The following REXO5 variants were observed in gnomAD, a reference collection of about 807,000 sequenced individuals.
REXO5 encodes the protein exonuclease NEF-sp.
In REXO5, 48 loss-of-function variants were observed where a neutral mutation model predicts 88.5. The observed-to-expected ratio is 0.54, with a 90% CI of 0.43 to 0.69. The LOEUF is 0.69. REXO5 is among the 30% of genes least tolerant of loss of function. The pLI, the probability that REXO5 is intolerant of heterozygous loss-of-function variation, is 0.00. For missense variants in REXO5, 749 were observed against 912.2 expected (o/e 0.82, Z 2.30); for synonymous variants, 311 against 336.5 (o/e 0.92, Z 0.83).
intron 19 of REXO5, among the ~76,000 whole-genome samples, chr16:20,848,212 G>A (rs2081640050): frequency 2.0e-5 from 3 of 152,062 alleles, no homozygotes; most frequent in South Asian, 2.1e-4. Flanking sequence ...AGTTGTGTCC[G>A]TGATGGCAGC....
In REXO5 at chr16:20,844,713, A is replaced by C. The variant is rs2081580592; in HGVS notation, c.1804A>C (p.Ile602Leu). ...AGGAGATTCTGAAAACCAAGGCTCT[A>C]TATATCTGTCTGGAGTGAGTGAAAC... Reference protein sequence around the residue: ...LEGDSENQGSIYLSGVSETFK... With the variant: ...LEGDSENQGSLYLSGVSETFK... The change falls in exon 17 of 20, where the codon ATA (isoleucine) becomes CTA (leucine). Residue 602 changes from isoleucine to leucine, a missense_variant. Ile to Leu is a conservative substitution (Grantham distance 5, BLOSUM62 2). Coordinates refer to ENST00000261377, the MANE Select transcript of REXO5 (RefSeq NM_030941.3). 6.2e-7 allele frequency: 1 copy of C among 1,614,104 alleles called. No homozygotes were observed. Among genetic ancestry groups the C allele is most frequent in the African/African-American group, 1.3e-5 (1 of 74,940 alleles).
intron 11 of REXO5, 129 bp from the exon 12 acceptor site, chr16:20,832,027 C>A: frequency 1.6e-6 from 1 of 634,154 alleles, no homozygotes. Flanking sequence ...AAGCCACTGC[C>A]TAAGAGAACA....
chr16:20,816,243 C>T, intron 5 of REXO5, 31 bp downstream of exon 5: 11 of 1,529,388 alleles, frequency 7.2e-6, no homozygotes, highest in Non-Finnish European at 9.0e-6. Context: ...TGATGCTTTG[C>T]TCACTCTAAA....
Position 20,816,103 on chromosome 16 carries a change from A to C in REXO5, c.379-13A>C, listed in dbSNP as rs201338479. 73 of 1,611,236 alleles carry C rather than the reference A, an allele frequency of 4.5e-5. No homozygotes were observed. Among genetic ancestry groups the C allele is most frequent in the Admixed American group, 8.3e-5 (5 of 59,954 alleles). ...TTCAACCATTTTTGTAAAACCTGTT[A>C]ATATATTTTCAGAAATTCCGCTTGC... On this transcript the variant is annotated splice_polypyrimidine_tract_variant and intron_variant, in intron 4 of 19. Coordinates refer to ENST00000261377, the MANE Select transcript of REXO5 (RefSeq NM_030941.3).
At chr16:20,810,499 C>T (rs2152499315) in intron 2 of REXO5, among the ~76,000 whole-genome samples, 1 of 152,088 alleles carries the variant, frequency 6.6e-6, no homozygotes, top group South Asian at 2.1e-4. Flanking sequence ...CCTCTCCCTC[C>T]CAGCGATTCT....
chr16:20,832,183 G>C lies in REXO5; in HGVS notation c.1186G>C (p.Ala396Pro). 6.2e-7 allele frequency: 1 copy of C among 1,610,234 alleles called. No homozygotes were observed. Among genetic ancestry groups the C allele is most frequent in the Non-Finnish European group, 8.5e-7 (1 of 1,178,138 alleles). The change falls in exon 12 of 20, where the codon GCT becomes CCT. Residue 396 changes from alanine to proline, a missense_variant. Physicochemically the swap from Ala to Pro is conservative, Grantham distance 27. Coordinates refer to ENST00000261377, the MANE Select transcript of REXO5 (RefSeq NM_030941.3). ...TGCAGAACTAAATCTAGAAGCACTA[G>C]CTAATCACCAAGAAATACAAGCAGC... is the stretch of plus-strand genomic sequence containing the variant. ...KIAELNLEAL[A>P]NHQEIQAAGQ...
chr16:20,835,764 T>C (rs1477861767), intron 13 of REXO5, among the ~76,000 whole-genome samples: 1 of 152,146 alleles, frequency 6.6e-6, no homozygotes, highest in African/African-American at 2.4e-5. Context: ...ATGGAAAGTC[T>C]AAGCTGGGTG....
chr16:20,822,376 T>A (rs1211875314), intron 6 of REXO5, among the ~76,000 whole-genome samples: 1 of 152,224 alleles, frequency 6.6e-6, no homozygotes, highest in Non-Finnish European at 1.5e-5. Flanking sequence ...TTCATTTTAT[T>A]TTCTTTGTTA....
rs138506272 is a variant in REXO5 at position 20,814,963 on chromosome 16, C to T, written c.288C>T (p.Asn96=). The change falls in exon 4 of 20, where the codon AAC becomes AAT. Residue 96 remains asparagine, a synonymous_variant. Transcript: ENST00000261377. ...TTTTTCATCAAAACCACCTAAACAACGTAGTGGTTTTTGTTCTGCAGGGAA... is the reference window on the plus strand; with the variant it reads ...TTTTTCATCAAAACCACCTAAACAATGTAGTGGTTTTTGTTCTGCAGGGAA... ...CQLFHQNHLN[N]VVVFVLQGMS... 351 of 1,613,496 alleles carry T rather than the reference C, an allele frequency of 2.2e-4. 1 individual carries two copies. The highest frequency in any genetic ancestry group is 2.8e-4 in the Non-Finnish European group (336 of 1,179,840).
At chr16:20,815,599 C>T (rs533690571) in intron 4 of REXO5, among the ~76,000 whole-genome samples, 6 of 152,204 alleles carry the variant, frequency 3.9e-5, no homozygotes, top group Non-Finnish European at 5.9e-5. Context: ...CTATTAACCA[C>T]GGACCACCTG....
At position 20,806,701 on chromosome 16, in the gene REXO5, A is replaced by G; in HGVS notation, c.-7A>G. 9.9e-7 allele frequency: 1 copy of G among 1,013,508 alleles called. No individual in the cohort carries two copies. The highest frequency in any genetic ancestry group is 1.4e-6 in the Non-Finnish European group (1 of 716,514). 62.8% of individuals were successfully genotyped at this position (1,013,508 alleles called of 1,614,324 possible). ...TGTAGCCGTTGGGGAACCGTTGAGA[A>G]TCCGGTAACCGATGCGGACGGTAAA... On this transcript the variant is annotated 5_prime_UTR_variant, in exon 1 of 20. Coordinates refer to ENST00000261377, the MANE Select transcript of REXO5 (RefSeq NM_030941.3).
chr16:20,821,669 T>C, intron 5 of REXO5, 93 bp from the exon 6 acceptor site: 3 of 1,169,204 alleles, frequency 2.6e-6, no homozygotes, highest in Non-Finnish European at 3.5e-6. Flanking sequence ...TCTTTTGATC[T>C]TCCTTGTGCT....
chr16:20,807,856 G>C (rs1000849229), intron 2 of REXO5, among the ~76,000 whole-genome samples: 2 of 152,086 alleles, frequency 1.3e-5, no homozygotes, highest in Admixed American at 1.3e-4. Context: ...TTACATTCCA[G>C]TAGGGCGGGG....
chr16:20,817,851 G>C (rs1361411849), intron 5 of REXO5, among the ~76,000 whole-genome samples: 1 of 152,172 alleles, frequency 6.6e-6, no homozygotes, highest in Non-Finnish European at 1.5e-5. Flanking sequence ...TGATGCCCCA[G>C]ATTGCAGGCC....
chr16:20,827,031 T>G, intron 8 of REXO5, 27 bp from the exon 9 acceptor site: 2 of 1,612,870 alleles, frequency 1.2e-6, no homozygotes, highest in Non-Finnish European at 1.7e-6. Flanking sequence ...TATCCTAGCC[T>G]GTCCATTTCT....
chr16:20,806,763 C>A, intron 1 of REXO5, 58 bp downstream of exon 1: 1 of 1,062,608 alleles, frequency 9.4e-7, no homozygotes, highest in Non-Finnish European at 1.3e-6. Context: ...GTCCAGTCCG[C>A]GGAACGGGGA....
intron 13 of REXO5, among the ~76,000 whole-genome samples, chr16:20,835,910 C>T (rs146838698): frequency 2.6e-5 from 4 of 152,170 alleles, no homozygotes; most frequent in Admixed American, 1.3e-4. Context: ...CCTGGTAGCA[C>T]ATGCCTGTGG....
Position 20,821,966 on chromosome 16 carries a change from C to T in REXO5, c.616+64C>T, listed in dbSNP as rs1390323213. 41 of 1,416,190 alleles carry T rather than the reference C, an allele frequency of 2.9e-5. 1 individual carries two copies. The highest frequency in any genetic ancestry group is 3.6e-5 in the Non-Finnish European group (38 of 1,066,632). The allele number at this position is 1,416,190 out of a possible 1,614,324, so 87.7% of individuals were successfully genotyped here. On this transcript the variant is annotated intron_variant, in intron 6 of 19. Transcript: ENST00000261377. ...GAATATCTAACAGCTTATTTAAATA[C>T]TACTGTTTGAGATTCATTTATCTGG...
intron 15 of REXO5, among the ~76,000 whole-genome samples, chr16:20,842,187 A>G (rs2081537873): frequency 6.6e-6 from 1 of 152,074 alleles, no homozygotes; most frequent in African/African-American, 2.4e-5. Context: ...ATTAAGCAAT[A>G]ATTTCCTATT....
Sources: gnomAD v4.1 joint callset for allele counts (sites outside exome capture counted in the v4.1 genomes callset) on GRCh38, gnomAD v4.1.1 for gene constraint, MANE v1.5 for transcripts, NCBI Gene and HGNC (gene_info 2026-07-23, HGNC 2026-07-21) for gene names.